The following WNT2B variants were observed in gnomAD, a reference collection of about 807,000 sequenced individuals.
WNT2B encodes the protein protein Wnt-2b.
Under a neutral mutation model 40.5 loss-of-function variants are expected in WNT2B, and 19 were observed. The observed-to-expected ratio is 0.47, with a 90% CI of 0.33 to 0.69. The LOEUF (loss-of-function observed/expected upper bound fraction) is 0.69. Ranked by LOEUF, WNT2B falls within the 30% of genes least tolerant of loss-of-function variation. The probability of loss-of-function intolerance (pLI) is 0.02; values close to 1 mark genes in which losing one functional copy is unlikely to be tolerated. For missense variants in WNT2B, 467 were observed against 556.4 expected (o/e 0.84, Z 1.62); for synonymous variants, 220 against 211.9 (o/e 1.04, Z -0.33).
Position 112,515,618 on chromosome 1 carries a change from G to C in WNT2B, c.404-522G>C, listed in dbSNP as rs917438467. Among the ~76,000 whole-genome samples the C allele has an allele frequency of 6.6e-6, 1 of 152,222 alleles. No homozygotes were observed. Among genetic ancestry groups the C allele is most frequent in the Admixed American group, 6.5e-5 (1 of 15,286 alleles). The stretch of plus-strand genomic sequence containing the variant: ...AAGGGAACAAGATGGGAATCTGGAG[G>C]TGTCAGGCATACAGGGGCGATAATT... On this transcript the variant is annotated intron_variant, in intron 2 of 4. Coordinates refer to ENST00000369684, the MANE Select transcript of WNT2B (RefSeq NM_024494.3). The surrounding 1 kb of genome is among the most constrained non-coding windows in gnomAD (Gnocchi z 4.4).
chr1:112,524,564 TAC>T lies in WNT2B; in HGVS notation c.*4059_*4060del, dbSNP rs1653125362. 1 of 152,606 alleles carries T rather than the reference TAC, an allele frequency of 6.6e-6. No homozygotes were observed. The highest frequency in any genetic ancestry group is 1.5e-5 in the Non-Finnish European group (1 of 68,056). 9.5% of individuals were successfully genotyped at this position (152,606 alleles called of 1,614,324 possible). On this transcript the variant is annotated 3_prime_UTR_variant, in exon 5 of 5. Transcript: ENST00000369684. ...AATGAAATACGGGAGAGCTTCACATTACACAGAGACCTGTAGCTCACACCTGG... is the reference window on the plus strand; with the variant it reads ...AATGAAATACGGGAGAGCTTCACATTACAGAGACCTGTAGCTCACACCTGG...
At chr1:112,491,896 A>C (rs1651615335) in intron 1 of WNT2B, among the ~76,000 whole-genome samples, 1 of 152,010 alleles carries the variant, frequency 6.6e-6, no homozygotes, top group Admixed American at 6.6e-5. Context: ...GTCTCAAAAA[A>C]TTTTTTCCAA....
At chr1:112,504,654 T>G (rs1387700517), upstream of WNT2B, among the ~76,000 whole-genome samples, 1 of 152,082 alleles carries the variant, frequency 6.6e-6, no homozygotes, top group Non-Finnish European at 1.5e-5. Flanking sequence ...TAGTTACCTG[T>G]GTGAACCTGG....
chr1:112,520,418 G>A lies in WNT2B; in HGVS notation c.1085G>A (p.Cys362Tyr). 1 of 1,614,166 alleles carries A rather than the reference G, an allele frequency of 6.2e-7. No individual in the cohort carries two copies. The highest frequency in any genetic ancestry group is 2.2e-5 in the East Asian group (1 of 44,874). The change falls in exon 5 of 5, where the codon TGC becomes TAC. Residue 362 changes from cysteine (C) to tyrosine (Y), a missense_variant. Around this residue, in one of 2 missense-constraint regions of WNT2B, gnomAD observed 330 missense variants for 438.6 expected, o/e 0.75. Coordinates refer to ENST00000369684, the MANE Select transcript of WNT2B (RefSeq NM_024494.3). ...VTQCECKFHWCCAVRCKECRN... is the reference protein window; with the variant it reads ...VTQCECKFHWYCAVRCKECRN... ...CAGTGTGAGTGCAAATTCCACTGGT[G>A]CTGTGCTGTACGGTGCAAGGAATGC...
At chr1:112,478,883 A>G (rs1651132031) in intron 1 of WNT2B, among the ~76,000 whole-genome samples, 1 of 152,126 alleles carries the variant, frequency 6.6e-6, no homozygotes, top group Admixed American at 6.6e-5. Context: ...TGATCACACC[A>G]CAGCACTCTA....
chr1:112,473,089 C>T (rs1358261053), intron 1 of WNT2B, among the ~76,000 whole-genome samples: 8 of 64,006 alleles, frequency 1.2e-4, no homozygotes, highest in East Asian at 6.8e-4. Flanking sequence ...GAAAGAAACA[C>T]GGAAGGAGGA....
rs1038460827 is a variant in WNT2B at position 112,526,632 on chromosome 1, T to G, written c.*6123T>G. 6.6e-6 allele frequency: 1 copy of G among 151,046 alleles called. No homozygotes were observed. Among genetic ancestry groups the G allele is most frequent in the African/African-American group, 2.5e-5 (1 of 40,624 alleles). The allele number at this position is 151,046 out of a possible 1,614,324, so 9.4% of individuals were successfully genotyped here. A position where few individuals can be genotyped will look rare whatever the true frequency, so the allele number is the denominator to read the frequency against. ...GGCGGGCGCCTGTAGTCCCAGCTACTGGGGAGGCTGAGGCAGGAGAATGGC... is the reference window on the plus strand; with the variant it reads ...GGCGGGCGCCTGTAGTCCCAGCTACGGGGGAGGCTGAGGCAGGAGAATGGC... On this transcript the variant is annotated 3_prime_UTR_variant, in exon 5 of 5. Coordinates refer to ENST00000369684, the MANE Select transcript of WNT2B (RefSeq NM_024494.3).
chr1:112,472,500 G>A (rs1162317595), intron 1 of WNT2B, among the ~76,000 whole-genome samples: 1 of 150,946 alleles, frequency 6.6e-6, no homozygotes, highest in African/African-American at 2.4e-5. Context: ...TGTCTCTATA[G>A]TGGGCCAAAA....
At chr1:112,477,699 C>A (rs1651093938) in intron 1 of WNT2B, among the ~76,000 whole-genome samples, 1 of 151,778 alleles carries the variant, frequency 6.6e-6, no homozygotes, top group African/African-American at 2.4e-5. Flanking sequence ...TTAAAATAAC[C>A]AAACAAATTA....
intron 3 of WNT2B, among the ~76,000 whole-genome samples, chr1:112,516,781 A>G (rs771547798): frequency 8.5e-5 from 13 of 152,218 alleles, no homozygotes; most frequent in Non-Finnish European, 1.8e-4. Context: ...ATGGCACACC[A>G]CTAAAGTAGA....
At chr1:112,474,073 A>C (rs1239670477) in intron 1 of WNT2B, among the ~76,000 whole-genome samples, 1 of 151,690 alleles carries the variant, frequency 6.6e-6, no homozygotes, top group Non-Finnish European at 1.5e-5. Flanking sequence ...TCAAAAAAAA[A>C]AAAAAAAAAG....
chr1:112,510,406 C>G (rs1557919407), intron 1 of WNT2B, among the ~76,000 whole-genome samples: 1 of 152,192 alleles, frequency 6.6e-6, no homozygotes, highest in South Asian at 2.1e-4. Context: ...ACCCCACAAT[C>G]AAACTGGCCT....
chr1:112,512,185 G>A, intron 1 of WNT2B, among the ~76,000 whole-genome samples: 1 of 152,222 alleles, frequency 6.6e-6, no homozygotes, highest in East Asian at 1.9e-4. Flanking sequence ...AATGGAAATG[G>A]GAGTTAATGG....
In WNT2B at chr1:112,525,176, G is replaced by A. The variant is rs1653209390; in HGVS notation, c.*4667G>A. On this transcript the variant is annotated 3_prime_UTR_variant, in exon 5 of 5. Transcript: ENST00000369684. ...TCCTATGACTGCATGGGGTATAACT[G>A]CCAAGCCTACTGCTCATGACCTGTG... 1 of 152,224 alleles carries A rather than the reference G, an allele frequency of 6.6e-6. No individual in the cohort carries two copies. The highest frequency in any genetic ancestry group is 1.5e-5 in the Non-Finnish European group (1 of 68,058). The allele number at this position is 152,224 out of a possible 1,614,324, so 9.4% of individuals were successfully genotyped here. A position where few individuals can be genotyped will look rare whatever the true frequency, so the allele number is the denominator to read the frequency against.
Position 112,514,919 on chromosome 1 carries a change from T to G in WNT2B, c.228T>G (p.Pro76=). ...CACGAGTGATCTGTGACAATATCCC[T>G]GGTTTGGTGAGCCGGCAGCGGCAGC... ...LGARVICDNI[P]GLVSRQRQLC... is the part of the protein sequence containing the mutation. The change falls in exon 2 of 5, where the codon CCT becomes CCG. Residue 76 remains proline (P), a synonymous_variant. Transcript: ENST00000369684. 1 of 1,614,260 alleles carries G rather than the reference T, an allele frequency of 6.2e-7. No individual in the cohort carries two copies. The highest frequency in any genetic ancestry group is 8.5e-7 in the Non-Finnish European group (1 of 1,180,044).
intron 1 of WNT2B, among the ~76,000 whole-genome samples, chr1:112,472,347 C>T (rs1410662041): frequency 6.6e-6 from 1 of 152,108 alleles, no homozygotes; most frequent in African/African-American, 2.4e-5. Context: ...GAGGAAACTA[C>T]CCAAGACCAA....
chr1:112,519,972 C>T (rs1423169232), intron 4 of WNT2B, among the ~76,000 whole-genome samples: 4 of 151,050 alleles, frequency 2.6e-5, no homozygotes, highest in Admixed American at 6.6e-5. Flanking sequence ...CTCCCAGCCT[C>T]GTGTTACTTT....
chr1:112,496,469 A>G (rs1340197584), intron 1 of WNT2B, among the ~76,000 whole-genome samples: 1 of 152,164 alleles, frequency 6.6e-6, no homozygotes, highest in Non-Finnish European at 1.5e-5. Context: ...TAAATCACAT[A>G]TGAGTGAGAC....
intron 1 of WNT2B, among the ~76,000 whole-genome samples, chr1:112,478,507 T>C (rs12065831): frequency 1.8e-3 from 268 of 152,240 alleles, no homozygotes; most frequent in African/African-American, 6.2e-3. Flanking sequence ...GATGGGACTA[T>C]TGGAAGATTT....
Sources: allele counts gnomAD v4.1 joint callset (sites outside exome capture counted in the v4.1 genomes callset), GRCh38; gene constraint gnomAD v4.1.1; regional missense constraint gnomAD v4.1.1; non-coding constraint Gnocchi (gnomAD v3.1); transcripts MANE v1.5; gene names NCBI Gene and HGNC (gene_info 2026-07-23, HGNC 2026-07-21).